Variants in TXNRD2 observed in about 807,000 individuals in gnomAD.
TXNRD2 encodes the protein thioredoxin reductase 2, mitochondrial.
Under a neutral mutation model 70.8 loss-of-function variants are expected in TXNRD2, and 67 were observed. That is an observed-to-expected ratio of 0.95 (90% CI 0.78 to 1.16). The LOEUF (loss-of-function observed/expected upper bound fraction) is 1.16, where lower values mean the gene tolerates loss of function less well. Among genes scored for constraint, TXNRD2 ranks in the 50% most tolerant of loss-of-function variants. TXNRD2 has a pLI of 0.00. For missense variants in TXNRD2, 644 were observed against 719.9 expected (o/e 0.89, Z 1.21); for synonymous variants, 301 against 295.8 (o/e 1.02, Z -0.18).
chr22:19,897,017 G>A (rs1259864179), intron 10 of TXNRD2, among the ~76,000 whole-genome samples: 1 of 152,172 alleles, frequency 6.6e-6, no homozygotes, highest in African/African-American at 2.4e-5. Flanking sequence ...CCCCCATTCT[G>A]CAGGCCCCTT....
At chr22:19,913,266 A>G (rs1940494190) in intron 7 of TXNRD2, among the ~76,000 whole-genome samples, 1 of 152,248 alleles carries the variant, frequency 6.6e-6, no homozygotes, top group Admixed American at 6.5e-5. Context: ...ACAGGCTTGC[A>G]GCAACACAGG....
chr22:19,899,731 T>G (rs547889522), intron 8 of TXNRD2, among the ~76,000 whole-genome samples: 1 of 152,380 alleles, frequency 6.6e-6, no homozygotes, highest in South Asian at 2.1e-4. Flanking sequence ...CACTTGTATG[T>G]GCACACATGC....
intron 10 of TXNRD2, 79 bp downstream of exon 10, chr22:19,897,960 C>T (rs1939585422): frequency 8.3e-7 from 1 of 1,199,330 alleles, no homozygotes; most frequent in Non-Finnish European, 1.2e-6. Context: ...CCCATGACTG[C>T]ACTGCACCTG....
At chr22:19,937,854 CCAGGGAAA>C (rs2146109122) in intron 1 of TXNRD2, 1 of 152,334 alleles carries the variant, frequency 6.6e-6, no homozygotes, top group South Asian at 2.1e-4. Context: ...TGCCACAGAA[CCAGGGAAA>C]CAGGAAGCAA....
At chr22:19,930,214 T>G (rs1941307019) in intron 2 of TXNRD2, among the ~76,000 whole-genome samples, 2 of 152,186 alleles carry the variant, frequency 1.3e-5, no homozygotes, top group Non-Finnish European at 2.9e-5. Context: ...ACACCATGTA[T>G]GCTTCTAGAG....
Position 19,909,588 on chromosome 22 carries a change from C to CCA in TXNRD2, c.662+1787_662+1788dup, listed in dbSNP as rs1214937271. Among the ~76,000 whole-genome samples, 14 of 93,636 alleles carry CCA rather than the reference C, an allele frequency of 1.5e-4. No individual in the cohort carries two copies. The East Asian group carries it at 2.5e-3, about 17-fold the overall frequency. 61.4% of individuals were successfully genotyped at this position (93,636 alleles called of 152,430 possible). On this transcript the variant is annotated intron_variant, in intron 8 of 17. Transcript: ENST00000400521. ...CACATACACACACCACACACACACA[C>CCA]CACACACACCACTCACACACACACA...
In TXNRD2 at chr22:19,918,919, G is replaced by T. The variant is rs1208235233; in HGVS notation, c.315C>A (p.Gly105=). 4 of 1,612,754 alleles carry T rather than the reference G, an allele frequency of 2.5e-6. No individual in the cohort carries two copies. The highest frequency in any genetic ancestry group is 2.2e-5 in the East Asian group (1 of 44,786). ...KLMHQAALLG[G]LIQDAPNYGW... is the part of the protein sequence containing the mutation. ...CATAGTTGGGGGCATCTTGGATCAG[G>T]CCTCCCAGCAGTGCCGCCTGGTGCA... Residue 105 remains glycine, a synonymous_variant, in exon 4 of 18, where the codon GGC becomes GGA. Coordinates refer to ENST00000400521, the MANE Select transcript of TXNRD2 (RefSeq NM_006440.5).
intron 7 of TXNRD2, among the ~76,000 whole-genome samples, chr22:19,914,673 G>T (rs748498355): frequency 6.6e-6 from 1 of 152,088 alleles, no homozygotes; most frequent in African/African-American, 2.4e-5. Flanking sequence ...GGTTTAATGG[G>T]AATAGTTTCA....
At chr22:19,931,275 C>T (rs1941350703) in intron 1 of TXNRD2, among the ~76,000 whole-genome samples, 177 bp from the exon 2 acceptor site, 1 of 152,232 alleles carries the variant, frequency 6.6e-6, no homozygotes, top group Admixed American at 6.5e-5. Flanking sequence ...GAGACCAAGC[C>T]ATATGGTGGT....
intron 11 of TXNRD2, among the ~76,000 whole-genome samples, chr22:19,885,521 C>T (rs886763589): frequency 5.9e-5 from 9 of 152,216 alleles, no homozygotes; most frequent in African/African-American, 1.9e-4. Flanking sequence ...GGGCTGGCAC[C>T]GGTCGGGGAT....
At chr22:19,879,123 C>T (rs1938640250) in intron 14 of TXNRD2, among the ~76,000 whole-genome samples, 1 of 152,266 alleles carries the variant, frequency 6.6e-6, no homozygotes, top group Non-Finnish European at 1.5e-5. Flanking sequence ...ATGCCAGGAA[C>T]ATATGTCCCA....
intron 2 of TXNRD2, among the ~76,000 whole-genome samples, chr22:19,922,198 G>C (rs1337057177): frequency 2.0e-5 from 3 of 152,206 alleles, no homozygotes; most frequent in African/African-American, 4.8e-5. Flanking sequence ...ACTTGGAACA[G>C]ACACAGATGT....
At position 19,895,517 on chromosome 22, in the gene TXNRD2, G is replaced by C; in HGVS notation, c.839C>G (p.Ala280Gly). The change falls in exon 11 of 18, where the codon GCC (alanine) becomes GGC (glycine). Residue 280 changes from alanine to glycine, a missense_variant. Transcript: ENST00000400521. The stretch of plus-strand genomic sequence containing the variant: ...AGGGAGCCTCCTGACCCGCGAGGGG[G>C]CACAGCCCCTCAGGAACCGGGTGCC... ...SHGTRFLRGC[A>G]PSRVRRLPDG... The C allele has an allele frequency of 6.2e-7, 1 of 1,613,750 alleles. No homozygotes were observed. The highest frequency in any genetic ancestry group is 8.5e-7 in the Non-Finnish European group (1 of 1,180,024).
At chr22:19,898,005 C>T (rs1417820485) in intron 10 of TXNRD2, 34 bp downstream of exon 10, 1 of 1,538,536 alleles carries the variant, frequency 6.5e-7, no homozygotes, top group East Asian at 2.4e-5. Flanking sequence ...GGCCTCAGAG[C>T]CACAGGGGCG....
In TXNRD2 at chr22:19,880,627, C is replaced by T. The variant is rs369142382; in HGVS notation, c.1177G>A (p.Asp393Asn). The change falls in exon 13 of 18, where the codon GAC (aspartate) becomes AAC (asparagine). Residue 393 changes from aspartate to asparagine, a missense_variant. Transcript: ENST00000400521. The part of the protein sequence containing the change: ...FGGSSDLMDY[D>N]NVPTTVFTPL... Reference sequence around the variant, plus strand: ...CGTCCTGCTAGAGAACTCACATTGTCGTAGTCCATCAGATCTGAGGACCCG... The same window carrying T: ...CGTCCTGCTAGAGAACTCACATTGTTGTAGTCCATCAGATCTGAGGACCCG... 29 of 1,613,204 alleles carry T rather than the reference C, an allele frequency of 1.8e-5. 1 individual carries two copies. The African/African-American group carries it at 2.8e-4, about 16-fold the overall frequency.
chr22:19,877,347 CCT>C (rs1466964810), intron 16 of TXNRD2, 113 bp from the exon 17 acceptor site: 14 of 988,424 alleles, frequency 1.4e-5, no homozygotes, highest in Admixed American at 4.1e-5. Context: ...CTCACTGTCC[CCT>C]GACCCCCAGC....
At chr22:19,896,449 C>T (rs1015410216) in intron 10 of TXNRD2, among the ~76,000 whole-genome samples, 1 of 152,210 alleles carries the variant, frequency 6.6e-6, no homozygotes, top group East Asian at 1.9e-4. Flanking sequence ...CCTGGTCCAA[C>T]AAGATGGCCC....
intron 1 of TXNRD2, among the ~76,000 whole-genome samples, chr22:19,940,259 A>C (rs1341504680): frequency 6.6e-6 from 1 of 151,324 alleles, no homozygotes; most frequent in African/African-American, 2.4e-5. Context: ...AAAAAAAAAA[A>C]AAAAAAACCC....
chr22:19,919,635 G>A (rs1228541030), intron 2 of TXNRD2, 36 bp from the exon 3 acceptor site: 21 of 1,548,794 alleles, frequency 1.4e-5, no homozygotes, highest in Admixed American at 3.9e-5. Flanking sequence ...TGAGCATGGG[G>A]AGCTGGCTCA....
Sources: gnomAD v4.1 joint callset for allele counts (sites outside exome capture counted in the v4.1 genomes callset) on GRCh38, gnomAD v4.1.1 for gene constraint, MANE v1.5 for transcripts, NCBI Gene and HGNC (gene_info 2026-07-23, HGNC 2026-07-21) for gene names.